PPARG: variants seen among roughly 807,000 people sequenced by gnomAD.
PPARG encodes peroxisome proliferator-activated receptor gamma.
In PPARG, 17 loss-of-function variants were observed where a neutral mutation model predicts 39.2. That is an observed-to-expected ratio of 0.43 (90% CI 0.30 to 0.65). The LOEUF is 0.65. PPARG is among the 30% of genes least tolerant of loss of function. The probability of loss-of-function intolerance (pLI) is 0.13; values close to 1 mark genes in which losing one functional copy is unlikely to be tolerated. For synonymous variants in PPARG, 223 were observed against 215.7 expected, an observed-to-expected ratio of 1.03 and a Z score of -0.30; for missense variants, 406 against 585.9, an observed-to-expected ratio of 0.69 and a Z score of 3.17.
intron 6 of PPARG, among the ~76,000 whole-genome samples, chr3:12,416,236 G>T (rs976162713): frequency 6.6e-6 from 1 of 152,158 alleles, no homozygotes; most frequent in African/African-American, 2.4e-5. Context: ...AAAATCAGCT[G>T]GGTGTGGCAG....
chr3:12,409,060 A>G (rs2050781881), intron 6 of PPARG, among the ~76,000 whole-genome samples: 1 of 152,226 alleles, frequency 6.6e-6, no homozygotes, highest in African/African-American at 2.4e-5. Flanking sequence ...GGGCTTTTCA[A>G]GTTCAGAGGC....
chr3:12,328,173 G>GA (rs2047748389), intron 2 of PPARG: 12 of 1,352,898 alleles, frequency 8.9e-6, no homozygotes, highest in African/African-American at 4.3e-5. Flanking sequence ...AAATAGCGAA[G>GA]AAAAAATTAA....
chr3:12,398,244 A>G (rs1482817661), intron 5 of PPARG, among the ~76,000 whole-genome samples: 2 of 152,222 alleles, frequency 1.3e-5, no homozygotes, highest in African/African-American at 4.8e-5. Flanking sequence ...GACCAATGCA[A>G]TATTAGGAAA....
intron 2 of PPARG, among the ~76,000 whole-genome samples, chr3:12,353,870 A>G (rs2048571144): frequency 6.6e-6 from 1 of 152,210 alleles, no homozygotes; most frequent in Admixed American, 6.5e-5. Context: ...GGAAGCTTCC[A>G]CAAGCTCAAG....
At chr3:12,323,012 G>A (rs779331189) in intron 2 of PPARG, among the ~76,000 whole-genome samples, 1 of 151,618 alleles carries the variant, frequency 6.6e-6, no homozygotes, top group African/African-American at 2.4e-5. Context: ...CGCTATGTTG[G>A]CCAGCCTGGT....
chr3:12,422,686 C>A (rs1194435572), intron 7 of PPARG, among the ~76,000 whole-genome samples: 2 of 152,054 alleles, frequency 1.3e-5, no homozygotes, highest in African/African-American at 4.8e-5. Flanking sequence ...TTGAGACCAG[C>A]CTGGGCAACA....
chr3:12,301,914 C>G (rs1254515386), intron 1 of PPARG: 1 of 152,192 alleles, frequency 6.6e-6, no homozygotes, highest in East Asian at 1.9e-4. Flanking sequence ...TCCTTCATGT[C>G]TTGCCAGACA....
At position 12,382,248 on chromosome 3, in the gene PPARG, ACTATTTATCCTCAT is replaced by A. The variant is rs539083048; in HGVS notation, c.390+760_390+773del. Reference sequence around the variant, plus strand: ...GGTATAACAGTGTGGGAAAGGAGATACTATTTATCCTCATCTCTTTCCTTTGTGAAAAGGGTATT... The same window carrying A: ...GGTATAACAGTGTGGGAAAGGAGATACTCTTTCCTTTGTGAAAAGGGTATT... On this transcript the variant is annotated intron_variant, in intron 4 of 7. Transcript: ENST00000651735. 1.7e-3 allele frequency among the ~76,000 whole-genome samples: 257 copies of A among 152,274 alleles called. 2 individuals are homozygous for A. Among genetic ancestry groups the A allele is most frequent in the Admixed American group, 4.0e-3 (61 of 15,274 alleles).
chr3:12,349,613 C>G (rs958847011), intron 2 of PPARG, among the ~76,000 whole-genome samples: 1 of 152,142 alleles, frequency 6.6e-6, no homozygotes, highest in African/African-American at 2.4e-5. Context: ...CATTGTCTAC[C>G]TAGCACCTAG....
chr3:12,288,403 C>T (rs1036248676), upstream of PPARG, among the ~76,000 whole-genome samples: 5 of 151,788 alleles, frequency 3.3e-5, no homozygotes, highest in Non-Finnish European at 5.9e-5. Context: ...GCCGGTGCGT[C>T]CCGGCTTCCA....
chr3:12,338,981 A>G (rs538008294), intron 2 of PPARG, among the ~76,000 whole-genome samples: 1 of 152,370 alleles, frequency 6.6e-6, no homozygotes, highest in African/African-American at 2.4e-5. Context: ...AAATTAAGGT[A>G]AAATTGAAAA....
At chr3:12,369,086 A>C (rs2049119678) in intron 2 of PPARG, among the ~76,000 whole-genome samples, 1 of 152,200 alleles carries the variant, frequency 6.6e-6, no homozygotes, top group African/African-American at 2.4e-5. Context: ...TACAGCTTTC[A>C]GTGAAGAAGA....
At chr3:12,425,083 C>T (rs895691465) in intron 7 of PPARG, among the ~76,000 whole-genome samples, 9 of 152,154 alleles carry the variant, frequency 5.9e-5, no homozygotes, top group Non-Finnish European at 1.0e-4. Flanking sequence ...ATCAGCTAAT[C>T]GCTTTATCAA....
rs550475832 is a variant in PPARG, at chr3:12,371,125, T to G, written c.-8-8579T>G. Among the ~76,000 whole-genome samples the G allele has an allele frequency of 4.5e-4, 69 of 152,308 alleles. 1 individual carries two copies. Among genetic ancestry groups the G allele is most frequent in the Admixed American group, 1.9e-3 (29 of 15,294 alleles). On this transcript the variant is annotated intron_variant, in intron 2 of 7. Transcript: ENST00000651735. ...TTAATTATATTTATTGAGAACTTAT[T>G]AAGTATCCAGCCCTATGGTAAGTGC...
chr3:12,408,570 T>TTC (rs1314496388), intron 6 of PPARG, among the ~76,000 whole-genome samples: 2 of 109,066 alleles, frequency 1.8e-5, no homozygotes, highest in African/African-American at 6.4e-5. Flanking sequence ...TTCTTTTCTT[T>TTC]TTTTTTTTTT....
intron 4 of PPARG, among the ~76,000 whole-genome samples, chr3:12,384,469 T>C (rs547803288): frequency 6.6e-6 from 1 of 152,276 alleles, no homozygotes; most frequent in South Asian, 2.1e-4. Context: ...TTCTGATTTT[T>C]ATTGAATTCT....
At chr3:12,361,835 A>C (rs1392570490) in intron 2 of PPARG, among the ~76,000 whole-genome samples, 1 of 152,240 alleles carries the variant, frequency 6.6e-6, no homozygotes, top group East Asian at 1.9e-4. Context: ...TATAAATTTT[A>C]GACTCAGCAT....
intron 2 of PPARG, among the ~76,000 whole-genome samples, chr3:12,341,863 A>G (rs1465848389): frequency 1.3e-5 from 2 of 152,176 alleles, no homozygotes; most frequent in African/African-American, 2.4e-5. Context: ...GTGGAATTAG[A>G]AAAACATTTC....
At chr3:12,412,200 C>A (rs538943624) in intron 6 of PPARG, among the ~76,000 whole-genome samples, 8 of 152,052 alleles carry the variant, frequency 5.3e-5, no homozygotes, top group Non-Finnish European at 2.9e-5. Flanking sequence ...TGTATAATAC[C>A]TTTCATAACT....
Sources: gnomAD v4.1 joint callset for allele counts (sites outside exome capture counted in the v4.1 genomes callset) on GRCh38, gnomAD v4.1.1 for gene constraint, MANE v1.5 for transcripts, NCBI Gene and HGNC (gene_info 2026-07-23, HGNC 2026-07-21) for gene names.